HEXA: variants seen among roughly 807,000 people sequenced by gnomAD.
HEXA encodes hexosaminidase subunit alpha, also known as beta-hexosaminidase subunit alpha.
A neutral mutation model predicts 73.3 loss-of-function variants in HEXA; 54 were observed. The observed-to-expected ratio is 0.74, with a 90% CI of 0.59 to 0.92. HEXA has a LOEUF of 0.92. Among genes scored for constraint, HEXA ranks in the 40% least tolerant of loss-of-function variants. The pLI is 0.00. For synonymous variants in HEXA, 230 were observed against 246.9 expected (o/e 0.93, Z 0.64); for missense variants, 649 against 653.0 (o/e 0.99, Z 0.07).
intron 5 of HEXA, among the ~76,000 whole-genome samples, chr15:72,352,581 G>A (rs1567299060): frequency 6.6e-6 from 1 of 151,870 alleles, no homozygotes; most frequent in Non-Finnish European, 1.5e-5. Flanking sequence ...CTGTAAGGTA[G>A]ATTTAAGTCA....
intron 1 of HEXA, chr15:72,357,038 A>G (rs181102199): frequency 9.1e-5 from 28 of 306,340 alleles, no homozygotes; most frequent in African/African-American, 4.9e-4. Context: ...TAGAAAACTT[A>G]TATGAAGCCT....
At chr15:72,345,420 T>C (rs1567295126) in intron 13 of HEXA, 26 bp downstream of exon 13, 2 of 1,613,974 alleles carry the variant, frequency 1.2e-6, no homozygotes, top group Non-Finnish European at 8.5e-7. Flanking sequence ...CTGCTCCGCC[T>C]TGCGAAGGCC....
Position 72,346,576 on chromosome 15 carries a change from A to G in HEXA, c.1281T>C (p.Tyr427=). 1 of 1,614,112 alleles carries G rather than the reference A, an allele frequency of 6.2e-7. No individual in the cohort carries two copies. Among genetic ancestry groups the G allele is most frequent in the East Asian group, 2.2e-5 (1 of 44,886 alleles). ...SAPWYLNRIS[Y]GPDWKDFYIV... Reference sequence around the variant, plus strand: ...TGTAGAAATCCTTCCAGTCAGGGCCATAGGATATACGGTTCAGGTACCAGG... The same window carrying G: ...TGTAGAAATCCTTCCAGTCAGGGCCGTAGGATATACGGTTCAGGTACCAGG... The change falls in exon 11 of 14, where the codon TAT becomes TAC. Residue 427 remains tyrosine (Y), a synonymous_variant. Transcript: ENST00000268097.
In HEXA at chr15:72,351,248, T is replaced by C. The variant is rs747427536; in HGVS notation, c.571-14A>G. 2 of 1,537,256 alleles carry C rather than the reference T, an allele frequency of 1.3e-6. No homozygotes were observed. Among genetic ancestry groups the C allele is most frequent in the African/African-American group, 1.4e-5 (1 of 73,402 alleles). On this transcript the variant is annotated splice_polypyrimidine_tract_variant and intron_variant, in intron 5 of 13. Transcript: ENST00000268097. ...CGCCATGACATCCTGTAGGTTAAAG[T>C]GCACACTGTGAACCCATCACAGTCT...
rs2140324768 is a variant in HEXA at position 72,351,238 on chromosome 15, T to C, written c.571-4A>G. ...ATTTATTGTACGCCATGACATCCTG[T>C]AGGTTAAAGTGCACACTGTGAACCC... is the stretch of plus-strand genomic sequence containing the variant. On this transcript the variant is annotated splice_polypyrimidine_tract_variant and splice_region_variant and intron_variant, in intron 5 of 13. Coordinates refer to ENST00000268097, the MANE Select transcript of HEXA (RefSeq NM_000520.6). 3 of 1,576,890 alleles carry C rather than the reference T, an allele frequency of 1.9e-6. No individual in the cohort carries two copies. The highest frequency in any genetic ancestry group is 1.7e-6 in the Non-Finnish European group (2 of 1,146,042).
chr15:72,360,929 G>C (rs1279934345), intron 1 of HEXA, among the ~76,000 whole-genome samples: 2 of 152,196 alleles, frequency 1.3e-5, no homozygotes, highest in East Asian at 3.8e-4. Flanking sequence ...ATGTGCTCAT[G>C]ATGTTGGTCA....
intron 9 of HEXA, 80 bp downstream of exon 9, chr15:72,347,968 A>G (rs1285840306): frequency 9.3e-7 from 1 of 1,079,484 alleles, no homozygotes. Flanking sequence ...GTGGCCAAGC[A>G]GGGCCTGACT....
intron 11 of HEXA, 49 bp downstream of exon 11, chr15:72,346,478 G>A: frequency 6.3e-7 from 1 of 1,588,638 alleles, no homozygotes; most frequent in South Asian, 1.1e-5. Context: ...CCCATCCTGT[G>A]CCCCAACCCA....
chr15:72,351,253 A>C lies in HEXA; in HGVS notation c.571-19T>G, dbSNP rs576601675. ...TGACATCCTGTAGGTTAAAGTGCAC[A>C]CTGTGAACCCATCACAGTCTCTCCG... On this transcript the variant is annotated intron_variant, in intron 5 of 13. Transcript: ENST00000268097. The C allele has an allele frequency of 9.2e-5, 138 of 1,493,200 alleles. 1 individual carries two copies. In the South Asian group the frequency reaches 1.0e-3, roughly 11 times the overall value. The allele number at this position is 1,493,200 out of a possible 1,614,324, so 92.5% of individuals were successfully genotyped here.
intron 4 of HEXA, 61 bp from the exon 5 acceptor site, chr15:72,353,239 G>C: frequency 2.1e-6 from 2 of 969,302 alleles, no homozygotes; most frequent in Non-Finnish European, 3.3e-6. Flanking sequence ...GGGGCACAGG[G>C]AGATGAAGAC....
At chr15:72,361,915 C>A (rs1406722797) in intron 1 of HEXA, among the ~76,000 whole-genome samples, 2 of 152,186 alleles carry the variant, frequency 1.3e-5, no homozygotes, top group Non-Finnish European at 2.9e-5. Context: ...GCAGTCTTCC[C>A]CTGCCTCCAG....
intron 10 of HEXA, 129 bp from the exon 11 acceptor site, chr15:72,346,839 G>A: frequency 1.1e-6 from 1 of 889,808 alleles, no homozygotes; most frequent in East Asian, 2.4e-5. Flanking sequence ...GTATGTCTCT[G>A]TGACTCCTGA....
In HEXA at chr15:72,341,358, T is replaced by G. The variant is rs185682516; in HGVS notation, c.*2719A>C. The G allele has an allele frequency of 6.6e-6, 1 of 152,138 alleles. No individual in the cohort carries two copies. Among genetic ancestry groups the G allele is most frequent in the East Asian group, 1.9e-4 (1 of 5,166 alleles). 9.4% of individuals were successfully genotyped at this position (152,138 alleles called of 1,614,324 possible). A position where few individuals can be genotyped will look rare whatever the true frequency, so the allele number is the denominator to read the frequency against. ...ACCTGAAAACACCAGTGACCTAGCT[T>G]TATTAGATTCCTCGAAGGGAAGGTA... On this transcript the variant is annotated 3_prime_UTR_variant, in exon 14 of 14. Coordinates refer to ENST00000268097, the MANE Select transcript of HEXA (RefSeq NM_000520.6).
Position 72,348,149 on chromosome 15 carries a change from A to G in HEXA, c.987-15T>C, listed in dbSNP as rs754219266. 2.5e-6 allele frequency: 4 copies of G among 1,570,376 alleles called. No individual in the cohort carries two copies. The highest frequency in any genetic ancestry group is 3.5e-6 in the Non-Finnish European group (4 of 1,140,258). ...GGTTGGACTTCCTGAATCCCAAGAGAAAATGAAGATTAATCTTTCAACATC... is the reference window on the plus strand; with the variant it reads ...GGTTGGACTTCCTGAATCCCAAGAGGAAATGAAGATTAATCTTTCAACATC... On this transcript the variant is annotated splice_polypyrimidine_tract_variant and intron_variant, in intron 8 of 13. Coordinates refer to ENST00000268097, the MANE Select transcript of HEXA (RefSeq NM_000520.6).
At chr15:72,345,254 T>G in intron 13 of HEXA, 192 bp downstream of exon 13, 1 of 1,064,504 alleles carries the variant, frequency 9.4e-7, no homozygotes, top group South Asian at 1.5e-5. Flanking sequence ...ATTTTTTATT[T>G]GTACCATTTT....
chr15:72,342,461 C>G lies in HEXA; in HGVS notation c.*1616G>C, dbSNP rs1255761092. On this transcript the variant is annotated 3_prime_UTR_variant, in exon 14 of 14. Coordinates refer to ENST00000268097, the MANE Select transcript of HEXA (RefSeq NM_000520.6). ...TGCCTGGAACCTGTCCATTGTTACC[C>G]CAGCCCAGGGCCCAGCCAAAGAACT... 6.6e-6 allele frequency: 1 copy of G among 152,244 alleles called. No individual in the cohort carries two copies. The highest frequency in any genetic ancestry group is 2.4e-5 in the African/African-American group (1 of 41,436). The allele number at this position is 152,244 out of a possible 1,614,324, so 9.4% of individuals were successfully genotyped here.
intron 1 of HEXA, among the ~76,000 whole-genome samples, chr15:72,374,554 C>T (rs555300139): frequency 1.4e-5 from 2 of 145,058 alleles, no homozygotes; most frequent in South Asian, 4.5e-4. Context: ...TAAAATATTA[C>T]TACAAGACTT....
chr15:72,352,447 C>CAAAA (rs540544720), intron 5 of HEXA, among the ~76,000 whole-genome samples: 1 of 67,144 alleles, frequency 1.5e-5, no homozygotes. Flanking sequence ...ACAAAAAATA[C>CAAAA]AAAAAAAAAA....
chr15:72,375,935 G>A lies in HEXA; in HGVS notation c.38C>T (p.Ala13Val), dbSNP rs145666272. The A allele has an allele frequency of 1.2e-5, 19 of 1,614,124 alleles. No homozygotes were observed. The African/African-American group carries it at 2.3e-4, about 19-fold the overall frequency. Residue 13 changes from alanine to valine, a missense_variant, in exon 1 of 14, where the codon GCG becomes GTG. By Grantham distance (64) the Ala-to-Val change is moderately conservative (BLOSUM62 0). Coordinates refer to ENST00000268097, the MANE Select transcript of HEXA (RefSeq NM_000520.6). ...CGTCGCCCGTCCTGCGAACGCTGCC[G>A]CCAGCAGCAGCGAAAACCAAAGCCT... is the stretch of plus-strand genomic sequence containing the variant. Reference protein sequence around the residue: ...SSRLWFSLLLAAAFAGRATAL... With the variant: ...SSRLWFSLLLVAAFAGRATAL...
Sources: gnomAD v4.1 joint callset for allele counts (sites outside exome capture counted in the v4.1 genomes callset) on GRCh38, gnomAD v4.1.1 for gene constraint, MANE v1.5 for transcripts, NCBI Gene and HGNC (gene_info 2026-07-23, HGNC 2026-07-21) for gene names.